RHOBTB1: variants seen among roughly 807,000 people sequenced by gnomAD.
The protein encoded by RHOBTB1 is Rho related BTB domain containing 1.
In RHOBTB1, 40 loss-of-function variants were observed where a neutral mutation model predicts 71.6. The ratio of observed to expected loss-of-function variants is 0.56; its 90% CI spans 0.43 to 0.73. The LOEUF is 0.73. RHOBTB1 is among the 30% of genes least tolerant of loss of function. The probability of loss-of-function intolerance (pLI) is 0.00; values close to 1 mark genes in which losing one functional copy is unlikely to be tolerated. For synonymous variants in RHOBTB1, 319 were observed against 334.9 expected, an observed-to-expected ratio of 0.95 and a Z score of 0.52; for missense variants, 797 against 894.0, an observed-to-expected ratio of 0.89 and a Z score of 1.38.
chr10:60,967,938 G>GTTCCATTA (rs1279195628), intron 2 of RHOBTB1, among the ~76,000 whole-genome samples: 1 of 152,106 alleles, frequency 6.6e-6, no homozygotes, highest in Non-Finnish European at 1.5e-5. Flanking sequence ...GAAGGGAGAA[G>GTTCCATTA]TTCCATTATG....
At chr10:60,898,987 T>C (rs775012209) in intron 4 of RHOBTB1, among the ~76,000 whole-genome samples, 4 of 152,132 alleles carry the variant, frequency 2.6e-5, no homozygotes, top group Non-Finnish European at 5.9e-5. Flanking sequence ...AATACTTGAG[T>C]CTTAGAAATG....
At chr10:60,878,628 G>A (rs2081162521) in intron 7 of RHOBTB1, among the ~76,000 whole-genome samples, 2 of 152,344 alleles carry the variant, frequency 1.3e-5, no homozygotes, top group South Asian at 4.1e-4. Context: ...CAGAACTACT[G>A]GAACGTTATC....
At chr10:60,880,307 C>T (rs1057016570) in intron 7 of RHOBTB1, among the ~76,000 whole-genome samples, 1 of 151,830 alleles carries the variant, frequency 6.6e-6, no homozygotes, top group African/African-American at 2.4e-5. Flanking sequence ...AATGGCCCCA[C>T]ATTCTACAAG....
intron 7 of RHOBTB1, among the ~76,000 whole-genome samples, chr10:60,885,177 A>C (rs866202447): frequency 1.3e-5 from 2 of 152,216 alleles, no homozygotes; most frequent in East Asian, 3.8e-4. Flanking sequence ...ACGATTTTAA[A>C]TGTTCTCATC....
chr10:60,930,074 A>C lies in RHOBTB1; in HGVS notation c.-11+11730T>G, dbSNP rs542724259. On this transcript the variant is annotated intron_variant, in intron 2 of 10. Transcript: ENST00000337910. The stretch of plus-strand genomic sequence containing the variant: ...CTATAATATGAACAAAAAAATCTCA[A>C]CCCTTGGAAATTAAGAAAATACTTT... 2.6e-5 allele frequency among the ~76,000 whole-genome samples: 4 copies of C among 152,286 alleles called. No homozygotes were observed. The South Asian group carries it at 6.2e-4, about 24-fold the overall frequency.
intron 10 of RHOBTB1, 98 bp from the exon 11 acceptor site, chr10:60,871,749 A>T: frequency 1.7e-6 from 2 of 1,148,210 alleles, no homozygotes; most frequent in South Asian, 3.0e-5. Flanking sequence ...TCCTCTCAAA[A>T]ACGTGATGCG....
At chr10:60,979,220 A>C (rs1565180939) in intron 2 of RHOBTB1, among the ~76,000 whole-genome samples, 1 of 152,018 alleles carries the variant, frequency 6.6e-6, no homozygotes, top group Non-Finnish European at 1.5e-5. Context: ...ATCTGTATCT[A>C]CCTTTTTTTG....
At chr10:60,932,599 T>G (rs73266023) in intron 2 of RHOBTB1, among the ~76,000 whole-genome samples, 9,508 of 149,744 alleles carry the variant, frequency 0.063, 530 homozygotes, top group African/African-American at 0.15. Flanking sequence ...GTGGGGCACA[T>G]CTAAGGGCTG....
At chr10:60,906,651 A>C (rs997805393) in intron 4 of RHOBTB1, among the ~76,000 whole-genome samples, 1 of 152,208 alleles carries the variant, frequency 6.6e-6, no homozygotes, top group Non-Finnish European at 1.5e-5. Flanking sequence ...AGAGTGAAGC[A>C]GGACAGGACA....
intron 2 of RHOBTB1, among the ~76,000 whole-genome samples, chr10:60,968,221 T>C (rs1044974155): frequency 2.0e-5 from 3 of 152,168 alleles, no homozygotes; most frequent in African/African-American, 7.2e-5. Flanking sequence ...ATTATCTTTC[T>C]GGAAACCCAG....
At chr10:60,884,551 A>T (rs907267964) in intron 7 of RHOBTB1, among the ~76,000 whole-genome samples, 2 of 152,228 alleles carry the variant, frequency 1.3e-5, no homozygotes, top group African/African-American at 4.8e-5. Context: ...TAACTGTAGC[A>T]CTATTCACAA....
intron 5 of RHOBTB1, among the ~76,000 whole-genome samples, chr10:60,890,743 G>C (rs2081876958): frequency 6.6e-6 from 1 of 152,218 alleles, no homozygotes. Flanking sequence ...TGACGACTTA[G>C]ATGAAAAGGA....
chr10:60,928,006 G>A (rs2083991909), intron 2 of RHOBTB1, among the ~76,000 whole-genome samples: 1 of 152,072 alleles, frequency 6.6e-6, no homozygotes, highest in African/African-American at 2.4e-5. Context: ...ATTTAAAAAT[G>A]GCAAAGGAAC....
intron 4 of RHOBTB1, among the ~76,000 whole-genome samples, chr10:60,907,465 A>G (rs1210891804): frequency 6.6e-6 from 1 of 152,216 alleles, no homozygotes. Context: ...AAAGATCCAG[A>G]AAAGAGCTTC....
chr10:60,934,048 C>A (rs2084419470), intron 2 of RHOBTB1, among the ~76,000 whole-genome samples: 1 of 151,996 alleles, frequency 6.6e-6, no homozygotes, highest in Admixed American at 6.6e-5. Context: ...TATATTCCAT[C>A]TCTTCTATAG....
intron 4 of RHOBTB1, among the ~76,000 whole-genome samples, chr10:60,905,701 C>T (rs2082645158): frequency 6.6e-6 from 1 of 152,110 alleles, no homozygotes; most frequent in African/African-American, 2.4e-5. Context: ...TCCTGGTCCA[C>T]TTGAAGTTTC....
intron 2 of RHOBTB1, among the ~76,000 whole-genome samples, chr10:60,916,724 G>T (rs970548769): frequency 1.3e-5 from 2 of 152,116 alleles, no homozygotes; most frequent in African/African-American, 4.8e-5. Context: ...ATACGTCCAC[G>T]GAATCCGCGG....
intron 7 of RHOBTB1, among the ~76,000 whole-genome samples, chr10:60,883,160 T>C (rs1158046089): frequency 2.0e-5 from 3 of 152,186 alleles, no homozygotes; most frequent in Non-Finnish European, 2.9e-5. Flanking sequence ...AAAGGAATTG[T>C]GGCACAGGTC....
intron 2 of RHOBTB1, among the ~76,000 whole-genome samples, chr10:60,924,378 T>C (rs1011566557): frequency 1.3e-5 from 2 of 152,070 alleles, no homozygotes; most frequent in Non-Finnish European, 2.9e-5. Flanking sequence ...TCAGATAAGA[T>C]AGATTTCAAG....
Sources: gnomAD v4.1 joint callset for allele counts (sites outside exome capture counted in the v4.1 genomes callset) on GRCh38, gnomAD v4.1.1 for gene constraint, MANE v1.5 for transcripts, NCBI Gene and HGNC (gene_info 2026-07-23, HGNC 2026-07-21) for gene names.